Variants in AGBL1 observed in about 807,000 individuals in gnomAD.
AGBL1 encodes cytosolic carboxypeptidase 4.
AGBL1 carries 130 observed loss-of-function variants against 118.9 expected under a neutral mutation model. The observed-to-expected ratio is 1.09, with a 90% CI of 0.95 to 1.26. AGBL1 has a LOEUF of 1.26. Ranked by LOEUF, AGBL1 falls within the 50% of genes most tolerant of loss-of-function variation. AGBL1 has a pLI of 0.00. For synonymous variants in AGBL1, 555 were observed against 478.9 expected (o/e 1.16, Z -2.08); for missense variants, 1,584 against 1,298.1 (o/e 1.22, Z -3.38).
chr15:86,421,656 C>T (rs2081791607), intron 18 of AGBL1, among the ~76,000 whole-genome samples: 1 of 152,128 alleles, frequency 6.6e-6, no homozygotes, highest in South Asian at 2.1e-4. Context: ...CAAAGACTGG[C>T]AAATTGGATA....
intron 5 of AGBL1, among the ~76,000 whole-genome samples, chr15:86,204,381 G>T (rs1457862154): frequency 6.6e-6 from 1 of 152,092 alleles, no homozygotes; most frequent in Non-Finnish European, 1.5e-5. Flanking sequence ...AAGATACTGG[G>T]ATTTCCCATA....
At chr15:86,508,536 C>A (rs986478948) in intron 18 of AGBL1, among the ~76,000 whole-genome samples, 1 of 147,094 alleles carries the variant, frequency 6.8e-6, no homozygotes, top group African/African-American at 2.5e-5. Flanking sequence ...TTGTGAATTG[C>A]AGTTTCTTCA....
At chr15:86,872,780 AC>A (rs1387513974) in intron 22 of AGBL1, among the ~76,000 whole-genome samples, 1 of 152,008 alleles carries the variant, frequency 6.6e-6, no homozygotes, top group East Asian at 1.9e-4. Context: ...AAAAGAAAGT[AC>A]TTTCTATGCC....
At chr15:86,340,153 C>CTGTT (rs2080439096) in intron 17 of AGBL1, among the ~76,000 whole-genome samples, 1 of 151,950 alleles carries the variant, frequency 6.6e-6, no homozygotes, top group African/African-American at 2.4e-5. Flanking sequence ...GACAATTTTC[C>CTGTT]TGTTTTTTAT....
chr15:86,855,789 G>A (rs62032589), intron 22 of AGBL1, among the ~76,000 whole-genome samples: 4,930 of 152,288 alleles, frequency 0.032, 122 homozygotes, highest in Non-Finnish European at 0.053. Context: ...AAGGGGAGGG[G>A]AGATAGCAGA....
intron 22 of AGBL1, among the ~76,000 whole-genome samples, chr15:86,829,034 C>T (rs957616809): frequency 6.6e-6 from 1 of 150,494 alleles, no homozygotes; most frequent in Non-Finnish European, 1.5e-5. Context: ...ATGATGTTGA[C>T]TGGACCTAGT....
intron 22 of AGBL1, among the ~76,000 whole-genome samples, chr15:86,834,431 A>G (rs2079145457): frequency 6.6e-6 from 1 of 152,150 alleles, no homozygotes. Context: ...TCTTGCCTTA[A>G]TCCTTCTCAG....
chr15:86,925,879 C>T (rs558717600), intron 23 of AGBL1, among the ~76,000 whole-genome samples: 33 of 151,896 alleles, frequency 2.2e-4, no homozygotes, highest in Non-Finnish European at 2.7e-4. Context: ...TACAGGCGCC[C>T]GCCACCATGC....
intron 22 of AGBL1, among the ~76,000 whole-genome samples, chr15:86,823,574 A>G (rs1378461617): frequency 2.0e-5 from 3 of 152,210 alleles, no homozygotes; most frequent in Non-Finnish European, 4.4e-5. Context: ...TATAGACTAC[A>G]TGCAATAATA....
chr15:86,698,126 T>A (rs920912628), intron 22 of AGBL1, among the ~76,000 whole-genome samples: 2 of 151,990 alleles, frequency 1.3e-5, no homozygotes, highest in Non-Finnish European at 2.9e-5. Context: ...TCCTACCCCT[T>A]CTTTCTCTTA....
intron 24 of AGBL1, among the ~76,000 whole-genome samples, chr15:87,009,820 C>T (rs780488410): frequency 3.9e-5 from 6 of 152,234 alleles, no homozygotes; most frequent in South Asian, 2.1e-4. Context: ...TTTGGACTTG[C>T]ATGGGGCCTG....
intron 18 of AGBL1, among the ~76,000 whole-genome samples, chr15:86,520,388 G>A (rs1172582275): frequency 6.6e-6 from 1 of 152,184 alleles, no homozygotes; most frequent in Non-Finnish European, 1.5e-5. Context: ...GACTCTCAAA[G>A]AGGTCTCAAA....
intron 22 of AGBL1, among the ~76,000 whole-genome samples, chr15:86,876,725 A>G (rs901719141): frequency 2.1e-4 from 32 of 152,208 alleles, no homozygotes; most frequent in African/African-American, 7.2e-4. Flanking sequence ...AACACTGGGT[A>G]TGGCTGCATT....
At position 86,817,522 on chromosome 15, in the gene AGBL1, T is replaced by TACACAC. The variant is rs145360496; in HGVS notation, c.3159-89547_3159-89542dup. On this transcript the variant is annotated intron_variant, in intron 22 of 22. Coordinates refer to ENST00000614907, the MANE Select transcript of AGBL1 (RefSeq NM_001386094.1). ...AGAGAGAGAGAGAAAGAGACAGGCA[T>TACACAC]ACACACACACACACACACACACAGA... 2.3e-3 allele frequency among the ~76,000 whole-genome samples: 213 copies of TACACAC among 93,812 alleles called. 1 individual carries two copies. Among genetic ancestry groups the TACACAC allele is most frequent in the African/African-American group, 7.8e-3 (187 of 23,948 alleles). 61.5% of individuals were successfully genotyped at this position (93,812 alleles called of 152,430 possible). A position where few individuals can be genotyped will look rare whatever the true frequency, so the allele number is the denominator to read the frequency against.
At position 86,184,348 on chromosome 15, in the gene AGBL1, G is replaced by C. The variant is rs1006698751; in HGVS notation, c.488+25322G>C. Among the ~76,000 whole-genome samples, 3 of 151,936 alleles carry C rather than the reference G, an allele frequency of 2.0e-5. No homozygotes were observed. The East Asian group carries it at 5.8e-4, about 29-fold the overall frequency. ...TGTCTGTTAAAGCAGAAGTATAAGA[G>C]TGTATATTGGAGGGCAATTGTTAAA... is the stretch of plus-strand genomic sequence containing the variant. On this transcript the variant is annotated intron_variant, in intron 5 of 22. Transcript: ENST00000614907.
intron 22 of AGBL1, among the ~76,000 whole-genome samples, chr15:86,834,176 G>C (rs2079142185): frequency 1.3e-5 from 2 of 152,098 alleles, no homozygotes; most frequent in Non-Finnish European, 2.9e-5. Context: ...TTGTGCTTCT[G>C]TACCCCAAAA....
At chr15:86,717,788 A>G (rs2086659869) in intron 22 of AGBL1, among the ~76,000 whole-genome samples, 1 of 152,050 alleles carries the variant, frequency 6.6e-6, no homozygotes, top group Non-Finnish European at 1.5e-5. Flanking sequence ...AGAATTTAAA[A>G]CCCAATTCAG....
At chr15:86,157,975 C>T (rs2077215338) in intron 4 of AGBL1, among the ~76,000 whole-genome samples, 1 of 152,224 alleles carries the variant, frequency 6.6e-6, no homozygotes, top group Non-Finnish European at 1.5e-5. Flanking sequence ...TCCTCCCTTA[C>T]TCAATACCAG....
intron 23 of AGBL1, among the ~76,000 whole-genome samples, chr15:86,985,067 G>A (rs1415914969): frequency 2.6e-5 from 4 of 152,188 alleles, no homozygotes; most frequent in African/African-American, 9.7e-5. Context: ...GCATGTTTTA[G>A]TAGTATCCTA....
Sources: gnomAD v4.1 joint callset for allele counts (sites outside exome capture counted in the v4.1 genomes callset) on GRCh38, gnomAD v4.1.1 for gene constraint, MANE v1.5 for transcripts, NCBI Gene and HGNC (gene_info 2026-07-23, HGNC 2026-07-21) for gene names.